Variants in WDR7 observed in about 807,000 individuals in gnomAD.
WDR7 encodes WD repeat domain 7.
In WDR7, 46 loss-of-function variants were observed where a neutral mutation model predicts 169.4. The ratio of observed to expected loss-of-function variants is 0.27; its 90% confidence interval spans 0.21 to 0.35. The LOEUF (loss-of-function observed/expected upper bound fraction) is 0.35, where lower values mean the gene tolerates loss of function less well. WDR7 is among the 10% of genes least tolerant of loss of function. The pLI, the probability that WDR7 is intolerant of heterozygous loss-of-function variation, is 1.00. For synonymous variants in WDR7, 612 were observed against 666.8 expected (o/e 0.92, Z 1.27); for missense variants, 1,534 against 1,859.3 (o/e 0.83, Z 3.22).
chr18:56,746,479 C>G (rs2043704779), intron 14 of WDR7, among the ~76,000 whole-genome samples: 1 of 152,132 alleles, frequency 6.6e-6, no homozygotes, highest in African/African-American at 2.4e-5. Flanking sequence ...GGTTTTTAGT[C>G]TCCTTCACTT....
At position 57,029,704 on chromosome 18, in the gene WDR7, A is replaced by G. The variant is rs962891972; in HGVS notation, c.*2497A>G. 3 of 152,328 alleles carry G rather than the reference A, an allele frequency of 2.0e-5. No individual in the cohort carries two copies. The highest frequency in any genetic ancestry group is 2.9e-5 in the Non-Finnish European group (2 of 68,036). The allele number at this position is 152,328 out of a possible 1,614,324, so 9.4% of individuals were successfully genotyped here. A position where few individuals can be genotyped will look rare whatever the true frequency, so the allele number is the denominator to read the frequency against. ...TGAATTAAAATGTCTGCCTCTCCAG[A>G]CATTTCTTAATGATTCCACTTAATA... is the stretch of plus-strand genomic sequence containing the variant. On this transcript the variant is annotated 3_prime_UTR_variant, in exon 28 of 28. Transcript: ENST00000254442.
At chr18:56,947,745 G>A (rs1021438405) in intron 25 of WDR7, among the ~76,000 whole-genome samples, 2 of 152,214 alleles carry the variant, frequency 1.3e-5, no homozygotes, top group African/African-American at 4.8e-5. Context: ...GCGTAGAGCA[G>A]TACTTGCGGT....
chr18:56,749,624 T>G (rs2043757971), intron 14 of WDR7, among the ~76,000 whole-genome samples: 1 of 152,068 alleles, frequency 6.6e-6, no homozygotes, highest in Admixed American at 6.5e-5. Context: ...GACTCAGTGC[T>G]CATTCAAGAT....
At chr18:56,748,081 G>A (rs1362646366) in intron 14 of WDR7, among the ~76,000 whole-genome samples, 1 of 151,998 alleles carries the variant, frequency 6.6e-6, no homozygotes, top group Non-Finnish European at 1.5e-5. Context: ...CCTTCACTTG[G>A]TGTAAACTAT....
chr18:56,851,394 C>A (rs1204875035), intron 20 of WDR7, among the ~76,000 whole-genome samples: 1 of 152,198 alleles, frequency 6.6e-6, no homozygotes, highest in Non-Finnish European at 1.5e-5. Context: ...GCTCTTACAT[C>A]TTTTCTGAAA....
intron 16 of WDR7, among the ~76,000 whole-genome samples, chr18:56,768,552 G>A (rs1019655461): frequency 2.0e-5 from 3 of 152,082 alleles, no homozygotes; most frequent in African/African-American, 4.8e-5. Flanking sequence ...GTGTCTAGTC[G>A]GTAACATGAA....
chr18:56,871,073 A>G (rs2045945862), intron 20 of WDR7, among the ~76,000 whole-genome samples: 1 of 152,198 alleles, frequency 6.6e-6, no homozygotes, highest in African/African-American at 2.4e-5. Context: ...GTCTGAAAAT[A>G]GAAATCTTTT....
chr18:56,787,068 G>T (rs1224893338), intron 19 of WDR7, among the ~76,000 whole-genome samples: 1 of 151,996 alleles, frequency 6.6e-6, no homozygotes, highest in African/African-American at 2.4e-5. Flanking sequence ...AAGCTGTTTG[G>T]CAGAACCCAG....
rs1270208963 is a variant in WDR7 at position 56,757,039 on chromosome 18, C to G, written c.2446C>G (p.Leu816Val). Residue 816 changes from leucine to valine, a missense_variant, in exon 15 of 28, where the codon CTG becomes GTG. Leu to Val is a conservative substitution (Grantham distance 32, BLOSUM62 1). Coordinates refer to ENST00000254442, the MANE Select transcript of WDR7 (RefSeq NM_015285.3). ...CLHAWGLNEV[L>V]DEVCLDRLGM... ...TCACGCCTGGGGTTTGAATGAAGTA[C>G]TGGATGAAGTTTGCCTGGATCGCCT... The G allele has an allele frequency of 6.2e-7, 1 of 1,614,046 alleles. No homozygotes were observed. The highest frequency in any genetic ancestry group is 8.5e-7 in the Non-Finnish European group (1 of 1,180,040).
chr18:56,785,133 A>G lies in WDR7; in HGVS notation c.3190+3477A>G, dbSNP rs549364826. 4.6e-4 allele frequency among the ~76,000 whole-genome samples: 70 copies of G among 152,326 alleles called. No individual in the cohort carries two copies. The South Asian group carries it at 0.014, about 31-fold the overall frequency. On this transcript the variant is annotated intron_variant, in intron 19 of 27. Transcript: ENST00000254442. ...AACGTATGAAAGGAGAAGAAAGCTT[A>G]CAACAAATGAGGAATGACCACATAG...
At chr18:56,919,730 A>T (rs547988709) in intron 21 of WDR7, among the ~76,000 whole-genome samples, 199 of 152,138 alleles carry the variant, frequency 1.3e-3, no homozygotes, top group Non-Finnish European at 1.9e-3. Context: ...CTGTTATCTC[A>T]TAGAACATAG....
intron 1 of WDR7, among the ~76,000 whole-genome samples, chr18:56,666,201 C>CTTTT (rs71169386): frequency 0.79 from 80,053 of 101,058 alleles, 33,796 homozygotes; most frequent in South Asian, 0.93. Flanking sequence ...ATTCCTTCGT[C>CTTTT]TTTTTTTTTT....
chr18:56,786,786 T>C (rs951036535), intron 19 of WDR7, among the ~76,000 whole-genome samples: 6 of 151,996 alleles, frequency 3.9e-5, no homozygotes, highest in African/African-American at 9.7e-5. Context: ...TACTGACTTA[T>C]AGAAATATAA....
intron 26 of WDR7, among the ~76,000 whole-genome samples, chr18:57,012,778 C>G (rs1425460315): frequency 6.6e-6 from 1 of 152,150 alleles, no homozygotes; most frequent in Non-Finnish European, 1.5e-5. Flanking sequence ...TTTCTTTTAC[C>G]TGGTATTCTG....
the WDR7 span, chr18:57,035,353 T>C: frequency 6.6e-6 from 1 of 152,146 alleles, no homozygotes; most frequent in African/African-American, 2.4e-5. Context: ...CGATAGGAGA[T>C]TGAACAACCC....
intron 18 of WDR7, among the ~76,000 whole-genome samples, chr18:56,780,612 A>G (rs1358364476): frequency 6.6e-6 from 1 of 152,102 alleles, no homozygotes; most frequent in African/African-American, 2.4e-5. Context: ...CCTGGGCAAC[A>G]TGGTGAAACC....
chr18:56,935,992 C>T (rs1402423383), intron 23 of WDR7, 87 bp downstream of exon 23: 4 of 1,215,540 alleles, frequency 3.3e-6, no homozygotes, highest in Non-Finnish European at 4.7e-6. Context: ...CCACAAATCC[C>T]CTTTACAGTT....
At chr18:56,823,298 G>T (rs150082533) in intron 20 of WDR7, among the ~76,000 whole-genome samples, 188 of 152,214 alleles carry the variant, frequency 1.2e-3, no homozygotes, top group African/African-American at 4.3e-3. Flanking sequence ...GGAGCTATAG[G>T]CCAGTTCGGT....
At chr18:56,983,759 C>A (rs1386098361) in intron 26 of WDR7, among the ~76,000 whole-genome samples, 1 of 152,086 alleles carries the variant, frequency 6.6e-6, no homozygotes, top group Non-Finnish European at 1.5e-5. Flanking sequence ...GAACTGTTAT[C>A]CTCAATAGCT....
Sources: allele counts gnomAD v4.1 joint callset (sites outside exome capture counted in the v4.1 genomes callset), GRCh38; gene constraint gnomAD v4.1.1; transcripts MANE v1.5; gene names NCBI Gene and HGNC (gene_info 2026-07-23, HGNC 2026-07-21).